RNF111: variants seen among roughly 807,000 people sequenced by gnomAD.
The protein encoded by RNF111 is E3 ubiquitin-protein ligase Arkadia.
In RNF111, 17 loss-of-function variants were observed where a neutral mutation model predicts 95.1. The ratio of observed to expected loss-of-function variants is 0.18; its 90% CI spans 0.12 to 0.27. The LOEUF (loss-of-function observed/expected upper bound fraction) is 0.27, where lower values mean the gene tolerates loss of function less well. Among genes scored for constraint, RNF111 ranks in the 10% least tolerant of loss-of-function variants. The pLI, the probability that RNF111 is intolerant of heterozygous loss-of-function variation, is 1.00. For synonymous variants in RNF111, 440 were observed against 414.8 expected, an observed-to-expected ratio of 1.06 and a Z score of -0.74; for missense variants, 1,189 against 1,210.4, an observed-to-expected ratio of 0.98 and a Z score of 0.26.
Position 59,031,058 on chromosome 15 carries a change from A to C in RNF111, c.236A>C (p.Asn79Thr), listed in dbSNP as rs775865246. The change falls in exon 2 of 14, where the codon AAT (asparagine) becomes ACT (threonine). Residue 79 changes from asparagine (N) to threonine (T), a missense_variant. Physicochemically the swap from Asn to Thr is moderately conservative, Grantham distance 65. Transcript: ENST00000348370. Reference protein sequence around the residue: ...DDSQKQEKEMNGNQQEQEKSL... With the variant: ...DDSQKQEKEMTGNQQEQEKSL... ...TCTCAAAAGCAAGAGAAGGAAATGAATGGTAACCAGCAAGAACAAGAAAAA... is the reference window on the plus strand; with the variant it reads ...TCTCAAAAGCAAGAGAAGGAAATGACTGGTAACCAGCAAGAACAAGAAAAA... The C allele has an allele frequency of 6.2e-7, 1 of 1,614,156 alleles. No individual in the cohort carries two copies. The highest frequency in any genetic ancestry group is 1.3e-5 in the African/African-American group (1 of 74,948).
At chr15:59,083,555 A>T (rs1420031148) in intron 8 of RNF111, among the ~76,000 whole-genome samples, 4 of 151,990 alleles carry the variant, frequency 2.6e-5, no homozygotes, top group African/African-American at 9.7e-5. Flanking sequence ...AAAAAGTATG[A>T]ATCAAGCTAA....
chr15:59,035,417 T>G (rs775801051), intron 2 of RNF111, among the ~76,000 whole-genome samples: 1 of 152,198 alleles, frequency 6.6e-6, no homozygotes, highest in African/African-American at 2.4e-5. Flanking sequence ...AAGTCCCTTC[T>G]GCATATGAGC....
At chr15:59,037,092 C>T (rs535150907) in intron 2 of RNF111, among the ~76,000 whole-genome samples, 13 of 152,114 alleles carry the variant, frequency 8.5e-5, no homozygotes, top group African/African-American at 2.9e-4. Context: ...CTGCCTCGGC[C>T]TCCCAAAGTG....
At chr15:59,021,015 C>G (rs2040312458) in intron 1 of RNF111, among the ~76,000 whole-genome samples, 1 of 152,170 alleles carries the variant, frequency 6.6e-6, no homozygotes, top group Non-Finnish European at 1.5e-5. Flanking sequence ...GTGCACCCAT[C>G]ACCTGAGCCA....
intron 1 of RNF111, among the ~76,000 whole-genome samples, chr15:59,020,678 G>A (rs1023122538): frequency 6.6e-6 from 1 of 152,142 alleles, no homozygotes; most frequent in Non-Finnish European, 1.5e-5. Context: ...CTGAGAAATT[G>A]AAACCTATTA....
Position 59,067,040 on chromosome 15 carries a change from C to T in RNF111, c.1643C>T (p.Pro548Leu), listed in dbSNP as rs1215622864. Residue 548 changes from proline to leucine, a missense_variant, in exon 6 of 14, where the codon CCT (proline) becomes CTT (leucine). Around this residue, in one of 2 missense-constraint regions of RNF111, gnomAD observed 1,024 missense variants for 925.9 expected, o/e 1.11. Coordinates refer to ENST00000348370, the MANE Select transcript of RNF111 (RefSeq NM_017610.8). The part of the protein sequence containing the change: ...PVERPPQVQA[P>L]CGANSSSGTS... ...GAAAGACCTCCACAAGTACAAGCACCTTGTGGAGCAAATAGTAGTTCTGGT... is the reference window on the plus strand; with the variant it reads ...GAAAGACCTCCACAAGTACAAGCACTTTGTGGAGCAAATAGTAGTTCTGGT... The T allele has an allele frequency of 2.5e-6, 4 of 1,614,120 alleles. No homozygotes were observed. Among genetic ancestry groups the T allele is most frequent in the South Asian group, 2.2e-5 (2 of 91,080 alleles).
chr15:58,989,577 T>C (rs1036836958), intron 1 of RNF111, among the ~76,000 whole-genome samples: 1 of 152,242 alleles, frequency 6.6e-6, no homozygotes, highest in African/African-American at 2.4e-5. Flanking sequence ...GCCACTTGTT[T>C]GCTAGTTATT....
intron 1 of RNF111, among the ~76,000 whole-genome samples, chr15:58,990,754 T>C (rs1330927755): frequency 1.3e-5 from 2 of 152,268 alleles, no homozygotes; most frequent in Non-Finnish European, 2.9e-5. Flanking sequence ...AGCTTTCAGA[T>C]GGTACTAAAA....
chr15:59,069,035 C>T (rs1383852273), intron 6 of RNF111, among the ~76,000 whole-genome samples: 5 of 147,734 alleles, frequency 3.4e-5, no homozygotes, highest in Non-Finnish European at 5.9e-5. Context: ...GATCATGCCA[C>T]CACACTCCAG....
intron 1 of RNF111, among the ~76,000 whole-genome samples, chr15:58,998,242 A>G (rs2039170840): frequency 6.6e-6 from 1 of 151,558 alleles, no homozygotes; most frequent in East Asian, 1.9e-4. Context: ...ACAAAATGGG[A>G]AGTTTTTTTT....
intron 1 of RNF111, among the ~76,000 whole-genome samples, chr15:59,003,742 G>T (rs1214236222): frequency 2.0e-5 from 3 of 152,124 alleles, no homozygotes; most frequent in African/African-American, 7.2e-5. Flanking sequence ...AAATTATCTT[G>T]GTTTTTTGGT....
intron 2 of RNF111, among the ~76,000 whole-genome samples, chr15:59,034,336 C>T (rs559041454): frequency 1.4e-4 from 21 of 152,304 alleles, no homozygotes; most frequent in African/African-American, 4.8e-4. Context: ...AGGGTATATG[C>T]ATTGAAAATG....
intron 5 of RNF111, among the ~76,000 whole-genome samples, chr15:59,061,049 A>G (rs1367540818): frequency 6.6e-6 from 1 of 152,162 alleles, no homozygotes; most frequent in Non-Finnish European, 1.5e-5. Flanking sequence ...CACCTGCCTC[A>G]GCCTCCAGAA....
At chr15:58,988,274 A>G (rs987943917) in intron 1 of RNF111, 17 of 152,240 alleles carry the variant, frequency 1.1e-4, no homozygotes, top group African/African-American at 3.9e-4. Flanking sequence ...TCGTCTACCG[A>G]CACACCCACA....
At chr15:59,094,217 C>T (rs1197210144) in intron 13 of RNF111, among the ~76,000 whole-genome samples, 1 of 152,118 alleles carries the variant, frequency 6.6e-6, no homozygotes, top group African/African-American at 2.4e-5. Context: ...AAGTATTACT[C>T]ACCTTTAATC....
At chr15:59,013,819 C>G (rs1391687555) in intron 1 of RNF111, among the ~76,000 whole-genome samples, 2 of 151,940 alleles carry the variant, frequency 1.3e-5, no homozygotes, top group African/African-American at 4.8e-5. Flanking sequence ...ACAAGAGTCT[C>G]ACTCTGTTGC....
At chr15:59,062,498 G>A (rs1269221618) in intron 5 of RNF111, among the ~76,000 whole-genome samples, 1 of 152,134 alleles carries the variant, frequency 6.6e-6, no homozygotes, top group Non-Finnish European at 1.5e-5. Flanking sequence ...ATATTCATTT[G>A]TTTAACACAT....
intron 12 of RNF111, 70 bp downstream of exon 12, chr15:59,091,224 A>G: frequency 1.2e-6 from 1 of 837,966 alleles, no homozygotes; most frequent in Non-Finnish European, 1.9e-6. Flanking sequence ...ACCTTTTTTG[A>G]ATTTGTAGAC....
intron 6 of RNF111, among the ~76,000 whole-genome samples, chr15:59,069,175 T>C (rs2042801916): frequency 6.6e-6 from 1 of 152,180 alleles, no homozygotes; most frequent in Non-Finnish European, 1.5e-5. Context: ...TAAAGAGATT[T>C]TAGATGTCAT....
Sources: gnomAD v4.1 joint callset for allele counts (sites outside exome capture counted in the v4.1 genomes callset) on GRCh38, gnomAD v4.1.1 for gene constraint, gnomAD v4.1.1 regional missense constraint, MANE v1.5 for transcripts, NCBI Gene and HGNC (gene_info 2026-07-23, HGNC 2026-07-21) for gene names.